Variants in FRMD4A observed in about 807,000 individuals in gnomAD.
FRMD4A encodes FERM domain containing 4A.
In FRMD4A, 29 loss-of-function variants were observed where a neutral mutation model predicts 129.1. The ratio of observed to expected loss-of-function variants is 0.22; its 90% CI spans 0.17 to 0.31. The LOEUF (loss-of-function observed/expected upper bound fraction) is 0.31, where lower values mean the gene tolerates loss of function less well. Ranked by LOEUF, FRMD4A falls within the 10% of genes least tolerant of loss-of-function variation. The pLI is 1.00. For missense variants in FRMD4A, 1,272 were observed against 1,375.8 expected (o/e 0.92, Z 1.19); for synonymous variants, 634 against 571.6 (o/e 1.11, Z -1.56).
At chr10:13,805,927 G>C (rs568617342) in intron 4 of FRMD4A, among the ~76,000 whole-genome samples, 1 of 151,666 alleles carries the variant, frequency 6.6e-6, no homozygotes, top group South Asian at 2.1e-4. Context: ...GCGTGATCTT[G>C]GCTCACTGCA....
intron 2 of FRMD4A, among the ~76,000 whole-genome samples, chr10:14,213,391 C>G (rs1347596209): frequency 3.9e-5 from 6 of 152,200 alleles, no homozygotes. Flanking sequence ...ATTTTCTCAA[C>G]AGCCATGTGA....
intron 6 of FRMD4A, among the ~76,000 whole-genome samples, chr10:13,764,183 C>CTGTGTG (rs1564761539): frequency 2.1e-4 from 18 of 87,294 alleles, no homozygotes; most frequent in African/African-American, 8.9e-4. Context: ...CCAAAGATTT[C>CTGTGTG]CGTGTGTGTG....
At chr10:13,726,475 C>G (rs1029191977) in intron 12 of FRMD4A, among the ~76,000 whole-genome samples, 2 of 152,152 alleles carry the variant, frequency 1.3e-5, no homozygotes, top group African/African-American at 4.8e-5. Flanking sequence ...GAAGTAGGAT[C>G]TCATAGAAAG....
chr10:13,964,614 A>G (rs962308999), intron 2 of FRMD4A, among the ~76,000 whole-genome samples: 4 of 151,462 alleles, frequency 2.6e-5, no homozygotes, highest in Admixed American at 2.6e-4. Context: ...TCATGCATTC[A>G]TTGCTTACAA....
At chr10:14,325,180 T>C (rs1312371234) in intron 2 of FRMD4A, among the ~76,000 whole-genome samples, 1 of 152,238 alleles carries the variant, frequency 6.6e-6, no homozygotes, top group Non-Finnish European at 1.5e-5. Context: ...TTTTATTCTA[T>C]GCTTTTTGAC....
At chr10:13,675,154 T>A (rs2083867571) in intron 15 of FRMD4A, 110 bp from the exon 16 acceptor site, 1 of 973,756 alleles carries the variant, frequency 1.0e-6, no homozygotes. Flanking sequence ...ACCCCAGGAA[T>A]CAAGGGAGTG....
At chr10:14,227,804 C>A (rs1163425810) in intron 2 of FRMD4A, among the ~76,000 whole-genome samples, 3 of 152,134 alleles carry the variant, frequency 2.0e-5, no homozygotes, top group Admixed American at 2.0e-4. Context: ...TAGGTGTTGA[C>A]CAGCATTGCT....
chr10:14,114,173 C>T (rs1311586592), intron 2 of FRMD4A, among the ~76,000 whole-genome samples: 1 of 152,228 alleles, frequency 6.6e-6, no homozygotes, highest in East Asian at 1.9e-4. Context: ...ATGGCTTGGG[C>T]TAGTTTCCTG....
intron 2 of FRMD4A, among the ~76,000 whole-genome samples, chr10:14,216,780 A>G (rs1843088363): frequency 6.6e-6 from 1 of 151,908 alleles, no homozygotes; most frequent in Non-Finnish European, 1.5e-5. Context: ...TAGTTTTCTG[A>G]TGTATATTTC....
intron 2 of FRMD4A, among the ~76,000 whole-genome samples, chr10:13,895,964 A>G (rs1349733971): frequency 6.6e-6 from 1 of 152,200 alleles, no homozygotes; most frequent in Admixed American, 6.5e-5. Flanking sequence ...CAAAACCACA[A>G]TGAGATGCCA....
At chr10:13,735,438 T>G (rs1407255209) in intron 12 of FRMD4A, among the ~76,000 whole-genome samples, 2 of 152,240 alleles carry the variant, frequency 1.3e-5, no homozygotes, top group Non-Finnish European at 2.9e-5. Flanking sequence ...TATTCATGCC[T>G]TTGGCCTCTT....
chr10:14,224,725 C>T (rs1340569230), intron 2 of FRMD4A, among the ~76,000 whole-genome samples: 1 of 152,154 alleles, frequency 6.6e-6, no homozygotes, highest in African/African-American at 2.4e-5. Flanking sequence ...TCTCATTTAT[C>T]TCCTTGGAGC....
At chr10:13,763,197 TAA>T (rs2092146986) in intron 6 of FRMD4A, among the ~76,000 whole-genome samples, 2 of 152,158 alleles carry the variant, frequency 1.3e-5, no homozygotes, top group South Asian at 4.2e-4. Context: ...TTAGAGAAAT[TAA>T]GAGGCAGACT....
In FRMD4A at chr10:13,860,764, T is replaced by A. The variant is rs547097761; in HGVS notation, c.46-1852A>T. Reference sequence around the variant, plus strand: ...ACACACTTAGCACAGTGCCTGGCCCTAAGGGAGCTCTTGTTTTAATTTAAT... The same window carrying A: ...ACACACTTAGCACAGTGCCTGGCCCAAAGGGAGCTCTTGTTTTAATTTAAT... On this transcript the variant is annotated intron_variant, in intron 2 of 24. Transcript: ENST00000357447. Among the ~76,000 whole-genome samples, 290 of 152,282 alleles carry A rather than the reference T, an allele frequency of 1.9e-3. 5 individuals carry two copies. The highest frequency in any genetic ancestry group is 6.8e-3 in the Middle Eastern group (2 of 294).
At chr10:14,305,612 G>T in intron 2 of FRMD4A, among the ~76,000 whole-genome samples, 1 of 151,762 alleles carries the variant, frequency 6.6e-6, no homozygotes, top group Non-Finnish European at 1.5e-5. Flanking sequence ...TCATAAACCT[G>T]GTTCTTGACT....
At chr10:14,123,222 A>G (rs1031493076) in intron 2 of FRMD4A, among the ~76,000 whole-genome samples, 1 of 151,958 alleles carries the variant, frequency 6.6e-6, no homozygotes, top group African/African-American at 2.4e-5. Flanking sequence ...CTGTTGCAAC[A>G]TTTCTTGTAT....
chr10:13,865,499 G>A (rs2094355324), intron 2 of FRMD4A, among the ~76,000 whole-genome samples: 2 of 141,842 alleles, frequency 1.4e-5, no homozygotes, highest in Non-Finnish European at 3.1e-5. Flanking sequence ...CTCCTAGGCT[G>A]GAGTGCGTTG....
At chr10:14,275,633 G>A (rs935450413) in intron 2 of FRMD4A, among the ~76,000 whole-genome samples, 10 of 152,280 alleles carry the variant, frequency 6.6e-5, no homozygotes, top group Middle Eastern at 3.4e-3. Context: ...CTTTTCTTAT[G>A]TATAACTAGA....
intron 2 of FRMD4A, among the ~76,000 whole-genome samples, chr10:13,872,987 C>T (rs1022167293): frequency 6.6e-6 from 1 of 152,044 alleles, no homozygotes; most frequent in East Asian, 1.9e-4. Context: ...ACCAGCCCAG[C>T]CAACACGGTG....
Sources: allele counts gnomAD v4.1 joint callset (sites outside exome capture counted in the v4.1 genomes callset), GRCh38; gene constraint gnomAD v4.1.1; transcripts MANE v1.5; gene names NCBI Gene and HGNC (gene_info 2026-07-23, HGNC 2026-07-21).